The following EPB41L2 variants were observed in gnomAD, a reference collection of about 807,000 sequenced individuals.
The protein encoded by EPB41L2 is erythrocyte membrane protein band 4.1 like 2.
A neutral mutation model predicts 113.0 loss-of-function variants in EPB41L2; 43 were observed. The ratio of observed to expected loss-of-function variants is 0.38; its 90% CI spans 0.30 to 0.49. The LOEUF is 0.49. EPB41L2 is among the 20% of genes least tolerant of loss of function. EPB41L2 has a pLI of 0.95. For synonymous variants in EPB41L2, 442 were observed against 436.7 expected, an observed-to-expected ratio of 1.01 and a Z score of -0.15; for missense variants, 1,147 against 1,223.4, an observed-to-expected ratio of 0.94 and a Z score of 0.93.
chr6:130,873,668 G>A (rs1239051035), intron 14 of EPB41L2, among the ~76,000 whole-genome samples: 5 of 152,168 alleles, frequency 3.3e-5, no homozygotes, highest in African/African-American at 1.2e-4. Context: ...GTTTTGCCAT[G>A]TTGGCCAGGC....
chr6:130,963,687 C>G (rs1342244692), intron 1 of EPB41L2, among the ~76,000 whole-genome samples: 1 of 152,170 alleles, frequency 6.6e-6, no homozygotes, highest in Non-Finnish European at 1.5e-5. Flanking sequence ...TCTCCACCAG[C>G]AACTAAGGCA....
At chr6:130,886,465 A>G (rs1182711733) in intron 11 of EPB41L2, among the ~76,000 whole-genome samples, 3 of 152,116 alleles carry the variant, frequency 2.0e-5, no homozygotes, top group Non-Finnish European at 4.4e-5. Flanking sequence ...ATATTTCTAA[A>G]TGTGGCCAGT....
intron 1 of EPB41L2, among the ~76,000 whole-genome samples, chr6:130,972,595 CAGAT>C (rs1378879958): frequency 6.6e-6 from 1 of 151,390 alleles, no homozygotes; most frequent in Non-Finnish European, 1.5e-5. Context: ...ATTCAGGACT[CAGAT>C]AGACTATAAG....
At chr6:130,874,371 T>TA (rs372454233) in intron 14 of EPB41L2, among the ~76,000 whole-genome samples, 1 of 152,022 alleles carries the variant, frequency 6.6e-6, no homozygotes, top group Non-Finnish European at 1.5e-5. Flanking sequence ...ATAATTTTTT[T>TA]ATTTTACTTT....
At chr6:131,009,653 A>G (rs956044891) in intron 1 of EPB41L2, among the ~76,000 whole-genome samples, 30 of 152,140 alleles carry the variant, frequency 2.0e-4, no homozygotes, top group African/African-American at 5.5e-4. Context: ...TCTGTTTAAC[A>G]AACTGTCACC....
intron 3 of EPB41L2, among the ~76,000 whole-genome samples, chr6:130,952,478 T>C (rs953251334): frequency 3.9e-5 from 6 of 151,916 alleles, no homozygotes; most frequent in Non-Finnish European, 8.8e-5. Flanking sequence ...AAAAGATACA[T>C]GCAGGACAAG....
At chr6:130,873,494 C>T (rs763079648) in intron 14 of EPB41L2, among the ~76,000 whole-genome samples, 10 of 144,440 alleles carry the variant, frequency 6.9e-5, no homozygotes, top group Non-Finnish European at 1.0e-4. Flanking sequence ...GACGGAGTCT[C>T]GCTCTGTCAC....
chr6:131,030,924 A>G (rs957986536), intron 1 of EPB41L2, among the ~76,000 whole-genome samples: 1 of 151,952 alleles, frequency 6.6e-6, no homozygotes, highest in African/African-American at 2.4e-5. Context: ...AGAAAAAAAA[A>G]AAAAAGGTAC....
rs1337048434 is a variant in EPB41L2, at chr6:130,984,029, T to C, written c.-14-27530A>G. Among the ~76,000 whole-genome samples, 6 of 152,376 alleles carry C rather than the reference T, an allele frequency of 3.9e-5. No individual in the cohort carries two copies. The East Asian group carries it at 1.2e-3, about 29-fold the overall frequency. On this transcript the variant is annotated intron_variant, in intron 1 of 19. Transcript: ENST00000337057. The stretch of plus-strand genomic sequence containing the variant: ...ATATTCTTTCTTTATATCCCTATTC[T>C]ATAAGCCTTTTTCTATTTTTAAACT...
intron 1 of EPB41L2, among the ~76,000 whole-genome samples, chr6:130,988,278 G>A (rs1781038659): frequency 6.6e-6 from 1 of 152,180 alleles, no homozygotes; most frequent in South Asian, 2.1e-4. Flanking sequence ...TTCAAGGCCA[G>A]AAGACAAGAA....
chr6:130,980,112 G>A (rs1206930977), intron 1 of EPB41L2, among the ~76,000 whole-genome samples: 1 of 152,146 alleles, frequency 6.6e-6, no homozygotes, highest in African/African-American at 2.4e-5. Flanking sequence ...AACAATAAGG[G>A]TTAAAAGGGT....
chr6:130,933,031 C>T (rs1022374307), intron 3 of EPB41L2, among the ~76,000 whole-genome samples: 13 of 152,230 alleles, frequency 8.5e-5, no homozygotes, highest in South Asian at 4.1e-4. Flanking sequence ...TTATACTCTT[C>T]CTTAGTAAAC....
chr6:130,905,028 G>A (rs1797320514), intron 5 of EPB41L2, among the ~76,000 whole-genome samples: 1 of 151,726 alleles, frequency 6.6e-6, no homozygotes, highest in Non-Finnish European at 1.5e-5. Context: ...TGAAGAAGGT[G>A]TTAAAAGAGA....
intron 1 of EPB41L2, among the ~76,000 whole-genome samples, chr6:130,998,285 T>C (rs986421632): frequency 6.6e-6 from 1 of 152,224 alleles, no homozygotes; most frequent in Non-Finnish European, 1.5e-5. Flanking sequence ...AATTTTCACA[T>C]GGATTAAGGA....
intron 1 of EPB41L2, among the ~76,000 whole-genome samples, chr6:131,056,746 T>C (rs1318754790): frequency 1.3e-5 from 2 of 152,202 alleles, no homozygotes; most frequent in East Asian, 3.8e-4. Flanking sequence ...TTTAACCCCT[T>C]ACTACAGCAA....
At chr6:130,889,952 T>C (rs1240262477) in intron 11 of EPB41L2, among the ~76,000 whole-genome samples, 2 of 152,154 alleles carry the variant, frequency 1.3e-5, no homozygotes, top group African/African-American at 2.4e-5. Flanking sequence ...TCTGAACATA[T>C]GAAATCTGAA....
chr6:131,020,898 T>A (rs1789298619), intron 1 of EPB41L2, among the ~76,000 whole-genome samples: 1 of 152,110 alleles, frequency 6.6e-6, no homozygotes, highest in Admixed American at 6.5e-5. Flanking sequence ...CAAGCGATCC[T>A]CCCGCCTCAG....
chr6:130,991,411 T>C (rs1282461465), intron 1 of EPB41L2, among the ~76,000 whole-genome samples: 2 of 152,176 alleles, frequency 1.3e-5, no homozygotes, highest in Non-Finnish European at 2.9e-5. Flanking sequence ...CCCAATCATA[T>C]TCTTATTTAA....
intron 1 of EPB41L2, among the ~76,000 whole-genome samples, chr6:130,979,753 G>A (rs1176073308): frequency 2.0e-5 from 3 of 152,152 alleles, no homozygotes; most frequent in Non-Finnish European, 4.4e-5. Context: ...CAGAAAGGAA[G>A]GAAGGAAAAG....
Sources: gnomAD v4.1 joint callset for allele counts (sites outside exome capture counted in the v4.1 genomes callset) on GRCh38, gnomAD v4.1.1 for gene constraint, MANE v1.5 for transcripts, NCBI Gene and HGNC (gene_info 2026-07-23, HGNC 2026-07-21) for gene names.